The following DPP10 variants were observed in gnomAD, a reference collection of about 807,000 sequenced individuals.
The protein encoded by DPP10 is dipeptidyl peptidase like 10.
DPP10 carries 33 observed loss-of-function variants against 120.9 expected under a neutral mutation model. The observed-to-expected ratio is 0.27, with a 90% confidence interval of 0.21 to 0.37. The LOEUF is 0.37. Among genes scored for constraint, DPP10 ranks in the 10% least tolerant of loss-of-function variants. DPP10 has a pLI of 1.00. For missense variants in DPP10, 816 were observed against 942.8 expected, an observed-to-expected ratio of 0.87 and a Z score of 1.76; for synonymous variants, 337 against 326.1, an observed-to-expected ratio of 1.03 and a Z score of -0.36.
At chr2:115,234,683 T>C (rs544664301) in intron 1 of DPP10, 34 of 152,328 alleles carry the variant, frequency 2.2e-4, no homozygotes, top group Non-Finnish European at 4.9e-4. Flanking sequence ...ACCAGTTTTA[T>C]TGTTTTTCCT....
intron 1 of DPP10, among the ~76,000 whole-genome samples, chr2:115,035,819 C>T (rs532835153): frequency 6.6e-6 from 1 of 152,348 alleles, no homozygotes; most frequent in South Asian, 2.1e-4. Context: ...ATCTGATTAG[C>T]ATCTAATACA....
chr2:115,007,277 A>G (rs1318077155), intron 1 of DPP10, among the ~76,000 whole-genome samples: 2 of 152,202 alleles, frequency 1.3e-5, no homozygotes, highest in Admixed American at 1.3e-4. Context: ...AATATACGCA[A>G]ATCAATAAAT....
chr2:114,986,084 C>T (rs921416721), intron 1 of DPP10, among the ~76,000 whole-genome samples: 5 of 152,030 alleles, frequency 3.3e-5, no homozygotes, highest in East Asian at 3.9e-4. Context: ...TGTGTAACAA[C>T]GTTTGAAATA....
At chr2:114,538,628 A>T (rs1686703927) in intron 1 of DPP10, among the ~76,000 whole-genome samples, 1 of 152,178 alleles carries the variant, frequency 6.6e-6, no homozygotes, top group Admixed American at 6.6e-5. Context: ...TAGTGAGGGT[A>T]AGTTAGGCTA....
intron 7 of DPP10, among the ~76,000 whole-genome samples, chr2:115,718,731 C>A (rs541292281): frequency 3.3e-5 from 5 of 152,004 alleles, no homozygotes; most frequent in Admixed American, 3.3e-4. Context: ...ATCTTTATAA[C>A]CTCAAGGCTC....
rs552355833 is a variant in DPP10 at position 115,302,146 on chromosome 2, G to A, written c.61-7093G>A. ...GTGAGTGAAGGGGGAAGTGCCACAC[G>A]CTTTTAAACCATCACGTCTTGTGAG... is the stretch of plus-strand genomic sequence containing the variant. On this transcript the variant is annotated intron_variant, in intron 1 of 25. Transcript: ENST00000410059. 6.6e-5 allele frequency among the ~76,000 whole-genome samples: 10 copies of A among 151,988 alleles called. 1 individual carries two copies. The South Asian group carries it at 2.1e-3, about 32-fold the overall frequency.
intron 19 of DPP10, among the ~76,000 whole-genome samples, chr2:115,804,299 T>C (rs1685643339): frequency 6.6e-6 from 1 of 152,196 alleles, no homozygotes; most frequent in Non-Finnish European, 1.5e-5. Context: ...TTTAAGGACT[T>C]CTCTGCACTG....
At chr2:115,790,593 A>G (rs1386801325) in intron 17 of DPP10, among the ~76,000 whole-genome samples, 2 of 152,156 alleles carry the variant, frequency 1.3e-5, no homozygotes, top group Non-Finnish European at 2.9e-5. Flanking sequence ...ATCACCCAGT[A>G]TATTTTTCAT....
intron 1 of DPP10, among the ~76,000 whole-genome samples, chr2:114,875,519 G>T (rs1691080860): frequency 6.6e-6 from 1 of 152,082 alleles, no homozygotes; most frequent in South Asian, 2.1e-4. Flanking sequence ...AAACTAATAA[G>T]TTCGGCCCAA....
chr2:114,842,127 T>C (rs1052425647), intron 1 of DPP10, among the ~76,000 whole-genome samples: 62 of 152,106 alleles, frequency 4.1e-4, no homozygotes, highest in African/African-American at 1.4e-3. Flanking sequence ...ACCTAGAGCA[T>C]AGTCTATTGA....
At chr2:115,087,728 T>A (rs7558976) in intron 1 of DPP10, among the ~76,000 whole-genome samples, 120,020 of 151,190 alleles carry the variant, frequency 0.79, 48,374 homozygotes, top group Non-Finnish European at 0.88. Flanking sequence ...TAATTTTGTA[T>A]TTTTAGTAGA....
chr2:115,094,150 A>G (rs888696137), intron 1 of DPP10, among the ~76,000 whole-genome samples: 2 of 152,126 alleles, frequency 1.3e-5, no homozygotes, highest in Non-Finnish European at 2.9e-5. Context: ...GGAGAAAAAC[A>G]TTCATATAGT....
intron 5 of DPP10, among the ~76,000 whole-genome samples, chr2:115,570,608 T>C (rs1171785101): frequency 6.6e-6 from 1 of 152,170 alleles, no homozygotes; most frequent in Admixed American, 6.5e-5. Flanking sequence ...ATGCCAAATA[T>C]TGGTTCTGAG....
intron 3 of DPP10, among the ~76,000 whole-genome samples, chr2:115,415,232 C>G (rs146001331): frequency 1.3e-5 from 2 of 152,238 alleles, no homozygotes; most frequent in Non-Finnish European, 2.9e-5. Context: ...ACCCGTTTAT[C>G]TGGCTGCGCT....
At chr2:115,809,601 A>T (rs1344844443) in intron 19 of DPP10, among the ~76,000 whole-genome samples, 1 of 152,112 alleles carries the variant, frequency 6.6e-6, no homozygotes, top group Non-Finnish European at 1.5e-5. Context: ...TTAAATTGCA[A>T]CCCTTGGTTC....
intron 1 of DPP10, among the ~76,000 whole-genome samples, chr2:114,705,362 T>C (rs970468333): frequency 1.2e-4 from 18 of 152,260 alleles, no homozygotes; most frequent in African/African-American, 4.1e-4. Flanking sequence ...ACTACATTTT[T>C]TCATAAGTTT....
chr2:115,270,439 G>A (rs540928261), intron 1 of DPP10, among the ~76,000 whole-genome samples: 1 of 152,130 alleles, frequency 6.6e-6, no homozygotes, highest in South Asian at 2.1e-4. Flanking sequence ...TGAGCTATGG[G>A]GGTTACCCGT....
intron 1 of DPP10, among the ~76,000 whole-genome samples, chr2:114,567,813 G>T (rs1000153684): frequency 6.6e-6 from 1 of 152,054 alleles, no homozygotes; most frequent in African/African-American, 2.4e-5. Context: ...TGAACAATGA[G>T]AACTCACGGA....
chr2:115,686,669 T>A (rs2091004706), intron 5 of DPP10, among the ~76,000 whole-genome samples: 1 of 151,996 alleles, frequency 6.6e-6, no homozygotes, highest in Admixed American at 6.6e-5. Flanking sequence ...GTTTTCTGAG[T>A]CTCCTAATAC....
Sources: gnomAD v4.1 joint callset for allele counts (sites outside exome capture counted in the v4.1 genomes callset) on GRCh38, gnomAD v4.1.1 for gene constraint, MANE v1.5 for transcripts, NCBI Gene and HGNC (gene_info 2026-07-23, HGNC 2026-07-21) for gene names.